Variants in PALM2AKAP2 observed in about 807,000 individuals in gnomAD.
PALM2AKAP2 encodes PALM2 and AKAP2 fusion, also known as PALM2-AKAP2 fusion protein.
PALM2AKAP2 carries 37 observed loss-of-function variants against 71.5 expected under a neutral mutation model. The ratio of observed to expected loss-of-function variants is 0.52; its 90% CI spans 0.40 to 0.68. PALM2AKAP2 has a LOEUF of 0.68. Ranked by LOEUF, PALM2AKAP2 falls within the 30% of genes least tolerant of loss-of-function variation. The pLI is 0.00. For missense variants in PALM2AKAP2, 1,224 were observed against 1,191.8 expected (o/e 1.03, Z -0.40); for synonymous variants, 468 against 478.8 (o/e 0.98, Z 0.29).
intron 6 of PALM2AKAP2, among the ~76,000 whole-genome samples, chr9:109,938,620 C>T (rs1305816668): frequency 6.6e-6 from 1 of 152,126 alleles, no homozygotes; most frequent in Non-Finnish European, 1.5e-5. Context: ...AACCATGTCA[C>T]ATGTGGTTCA....
intron 1 of PALM2AKAP2, among the ~76,000 whole-genome samples, chr9:109,841,214 T>C (rs919841110): frequency 1.3e-5 from 2 of 151,652 alleles, no homozygotes; most frequent in Non-Finnish European, 2.9e-5. Flanking sequence ...ATGTCCTTTT[T>C]AGGGACATGG....
chr9:110,111,926 GT>G (rs1316564525), intron 1 of PALM2AKAP2, among the ~76,000 whole-genome samples: 2 of 152,048 alleles, frequency 1.3e-5, no homozygotes, highest in Non-Finnish European at 1.5e-5. Flanking sequence ...GTCATTTCCT[GT>G]TTTCAGATCC....
chr9:109,775,143 C>G (rs957645630), intron 1 of PALM2AKAP2, among the ~76,000 whole-genome samples: 1 of 152,192 alleles, frequency 6.6e-6, no homozygotes, highest in Admixed American at 6.5e-5. Context: ...CCATTTGGCT[C>G]TAATTGATTC....
intron 1 of PALM2AKAP2, among the ~76,000 whole-genome samples, chr9:109,822,843 C>G (rs1828046478): frequency 6.6e-6 from 1 of 152,142 alleles, no homozygotes; most frequent in African/African-American, 2.4e-5. Flanking sequence ...GTGCATGTGT[C>G]TTTATGGTAG....
At chr9:110,165,599 C>T (rs1231848029) in intron 3 of PALM2AKAP2, among the ~76,000 whole-genome samples, 1 of 152,100 alleles carries the variant, frequency 6.6e-6, no homozygotes, top group Non-Finnish European at 1.5e-5. Context: ...GGCATACATA[C>T]TAGGGGAATG....
intron 6 of PALM2AKAP2, among the ~76,000 whole-genome samples, chr9:109,932,757 G>T (rs1453616722): frequency 6.6e-6 from 1 of 152,234 alleles, no homozygotes; most frequent in Non-Finnish European, 1.5e-5. Flanking sequence ...AGGGCTGGGG[G>T]TTAAATGGAA....
At chr9:109,997,624 A>T (rs1832598279) in intron 6 of PALM2AKAP2, among the ~76,000 whole-genome samples, 2 of 152,366 alleles carry the variant, frequency 1.3e-5, no homozygotes, top group Middle Eastern at 3.4e-3. Context: ...GAGTTCGAGA[A>T]AAATAACTTA....
rs750076648 is a variant in PALM2AKAP2, at chr9:110,136,742, A to G, written c.772A>G (p.Thr258Ala). The change falls in exon 2 of 4, where the codon ACT becomes GCT. Residue 258 changes from threonine (T) to alanine (A), a missense_variant. Physicochemically the swap from Thr to Ala is moderately conservative, Grantham distance 58. Coordinates refer to ENST00000374525, the Ensembl canonical transcript of PALM2AKAP2. ...GTGTTCTTCCCGAGATGGAGAGTTC[A>G]CTCTCACCACACTGAAAAAGGAGGC... is the stretch of plus-strand genomic sequence containing the variant. 12 of 1,613,914 alleles carry G rather than the reference A, an allele frequency of 7.4e-6. No homozygotes were observed. The highest frequency in any genetic ancestry group is 1.0e-5 in the Non-Finnish European group (12 of 1,180,008).
intron 1 of PALM2AKAP2, among the ~76,000 whole-genome samples, chr9:109,722,224 T>C (rs935061864): frequency 1.3e-5 from 2 of 152,222 alleles, no homozygotes; most frequent in African/African-American, 4.8e-5. Context: ...ATACTGATGA[T>C]AATGACCTCT....
intron 1 of PALM2AKAP2, among the ~76,000 whole-genome samples, chr9:109,849,619 G>A (rs1039261744): frequency 4.6e-5 from 7 of 152,114 alleles, no homozygotes; most frequent in African/African-American, 1.4e-4. Context: ...AGCCAGGCAT[G>A]GTGGCGTGCA....
At chr9:109,752,888 A>G (rs1001374696) in intron 1 of PALM2AKAP2, among the ~76,000 whole-genome samples, 1 of 152,188 alleles carries the variant, frequency 6.6e-6, no homozygotes, top group African/African-American at 2.4e-5. Context: ...CATAAAGAGT[A>G]GCAGTGAGTA....
rs117616410 is a variant in PALM2AKAP2 at position 109,760,822 on chromosome 9, C to G, written c.6-19666C>G. On this transcript the variant is annotated intron_variant, in intron 1 of 6. Coordinates refer to the PALM2AKAP2 transcript ENST00000374531. ...GTACAAATGCACTCAATTTTCCTCCCCAAGAGCTCCCTGGGAGTTTTTTTC... is the reference window on the plus strand; with the variant it reads ...GTACAAATGCACTCAATTTTCCTCCGCAAGAGCTCCCTGGGAGTTTTTTTC... 2.0e-4 allele frequency among the ~76,000 whole-genome samples: 31 copies of G among 152,290 alleles called. No homozygotes were observed. The East Asian group carries it at 6.0e-3, about 29-fold the overall frequency.
At chr9:110,155,573 G>A (rs1035903144) in intron 2 of PALM2AKAP2, among the ~76,000 whole-genome samples, 2 of 152,212 alleles carry the variant, frequency 1.3e-5, no homozygotes, top group East Asian at 1.9e-4. Flanking sequence ...AGGACATTGC[G>A]AGAGCTAAAA....
At chr9:110,060,093 ATTTTGTTTTTGTTTTTGTTTTTGT>A (rs74631739) in intron 1 of PALM2AKAP2, among the ~76,000 whole-genome samples, 1 of 150,394 alleles carries the variant, frequency 6.6e-6, no homozygotes, top group Non-Finnish European at 1.5e-5. Context: ...GGGGCCAGGT[ATTTTGTTTTTGTTTTTGTTTTTGT>A]TTTTGTTTTT....
At chr9:109,770,679 T>G (rs114908202) in intron 1 of PALM2AKAP2, among the ~76,000 whole-genome samples, 53 of 152,282 alleles carry the variant, frequency 3.5e-4, no homozygotes, top group African/African-American at 1.2e-3. Flanking sequence ...AGGGCCATCT[T>G]GGGTACACTT....
At chr9:110,079,947 G>A (rs149056719) in intron 1 of PALM2AKAP2, among the ~76,000 whole-genome samples, 2,009 of 151,886 alleles carry the variant, frequency 0.013, 37 homozygotes, top group African/African-American at 0.047. Context: ...GCAGGATCCT[G>A]TAATCCAAGC....
At chr9:110,063,491 G>A (rs1472033291) in intron 1 of PALM2AKAP2, among the ~76,000 whole-genome samples, 1 of 150,504 alleles carries the variant, frequency 6.6e-6, no homozygotes, top group East Asian at 2.0e-4. Context: ...CCAGGCTGGA[G>A]TGCAATGGCA....
At chr9:109,783,147 C>A (rs1036112437) in intron 1 of PALM2AKAP2, among the ~76,000 whole-genome samples, 9 of 152,082 alleles carry the variant, frequency 5.9e-5, no homozygotes, top group Admixed American at 6.6e-5. Flanking sequence ...AGAATGGGTT[C>A]ATGAGTTCTA....
rs1481305333 is a variant in PALM2AKAP2 at position 109,982,234 on chromosome 9, G to A, written c.497-33720G>A. Reference sequence around the variant, plus strand: ...ACTTTGTTTATTTTCACTTGTTGGTGAGGACTAAAAATTAAAACAATTGAA... The same window carrying A: ...ACTTTGTTTATTTTCACTTGTTGGTAAGGACTAAAAATTAAAACAATTGAA... On this transcript the variant is annotated intron_variant, in intron 6 of 9. Transcript: ENST00000302798. Among the ~76,000 whole-genome samples, 3 of 152,276 alleles carry A rather than the reference G, an allele frequency of 2.0e-5. No homozygotes were observed. The East Asian group carries it at 5.8e-4, about 29-fold the overall frequency.
Sources: allele counts gnomAD v4.1 joint callset (sites outside exome capture counted in the v4.1 genomes callset), GRCh38; gene constraint gnomAD v4.1.1; transcripts MANE v1.5; gene names NCBI Gene and HGNC (gene_info 2026-07-23, HGNC 2026-07-21).